Variants in ZNRF3 observed in about 807,000 individuals in gnomAD.
The protein encoded by ZNRF3 is zinc and ring finger 3.
ZNRF3 carries 23 observed loss-of-function variants against 72.5 expected under a neutral mutation model. That is an observed-to-expected ratio of 0.32 (90% CI 0.23 to 0.45). The LOEUF is 0.45. Among genes scored for constraint, ZNRF3 ranks in the 20% least tolerant of loss-of-function variants. The pLI is 1.00. For synonymous variants in ZNRF3, 610 were observed against 545.3 expected (o/e 1.12, Z -1.65); for missense variants, 1,169 against 1,272.1 (o/e 0.92, Z 1.23).
At position 28,884,003 on chromosome 22, in the gene ZNRF3, C is replaced by G; in HGVS notation, c.237C>G (p.Thr79=). 7.6e-7 allele frequency: 1 copy of G among 1,311,882 alleles called. No individual in the cohort carries two copies. Among genetic ancestry groups the G allele is most frequent in the Non-Finnish European group, 9.9e-7 (1 of 1,013,108 alleles). The allele number at this position is 1,311,882 out of a possible 1,614,324, so 81.3% of individuals were successfully genotyped here. ...SPSGDYTTYT[T]GLTGRFSRAG... ...GCGGCGATTACACCACCTACACCAC[C>G]GGCCTCACGGGCCGCTTCTCGCGGG... is the stretch of plus-strand genomic sequence containing the variant. The change falls in exon 1 of 9, where the codon ACC becomes ACG. Residue 79 remains threonine (T), a synonymous_variant. Transcript: ENST00000544604.
chr22:28,997,319 A>G (rs1258720434), intron 2 of ZNRF3, among the ~76,000 whole-genome samples: 25 of 145,896 alleles, frequency 1.7e-4, no homozygotes. Flanking sequence ...CTCTTATCAC[A>G]TTGTTTCCAA....
chr22:28,980,487 C>G (rs2035746443), intron 1 of ZNRF3, among the ~76,000 whole-genome samples: 1 of 152,140 alleles, frequency 6.6e-6, no homozygotes, highest in South Asian at 2.1e-4. Flanking sequence ...TTCCTTCCTT[C>G]CCAAAATATC....
rs1035674274 is a variant in ZNRF3, at chr22:29,048,557, G to A, written c.1015+66G>A. On this transcript the variant is annotated intron_variant, in intron 7 of 8. Transcript: ENST00000544604. The surrounding 1 kb of genome is among the most constrained non-coding windows in gnomAD (Gnocchi z 4.9). ...GCCTAGCTAGAGTGTGACACACACC[G>A]CAGGCTTGGGAACACTCAGAACCAC... 3.0e-5 allele frequency: 45 copies of A among 1,511,488 alleles called. No homozygotes were observed. The East Asian group carries it at 7.5e-4, about 25-fold the overall frequency. The allele number at this position is 1,511,488 out of a possible 1,614,324, so 93.6% of individuals were successfully genotyped here.
intron 8 of ZNRF3, among the ~76,000 whole-genome samples, chr22:29,052,777 CA>C (rs2123891460): frequency 6.6e-6 from 1 of 151,714 alleles, no homozygotes; most frequent in East Asian, 1.9e-4. Flanking sequence ...AGCTGGAGAC[CA>C]GCCTGGGGAA....
intron 1 of ZNRF3, among the ~76,000 whole-genome samples, chr22:28,896,166 G>A (rs980115591): frequency 1.3e-5 from 2 of 151,920 alleles, no homozygotes; most frequent in African/African-American, 2.4e-5. Context: ...ACGGAGTCTC[G>A]CTCTGTCGGC....
chr22:28,962,344 G>A (rs767179615), intron 1 of ZNRF3, among the ~76,000 whole-genome samples: 1 of 152,190 alleles, frequency 6.6e-6, no homozygotes, highest in Non-Finnish European at 1.5e-5. Context: ...TAACTTCTGT[G>A]TAACCTTTGA....
intron 1 of ZNRF3, among the ~76,000 whole-genome samples, chr22:28,896,148 T>A (rs1318375905): frequency 6.9e-6 from 1 of 144,546 alleles, no homozygotes; most frequent in Non-Finnish European, 1.5e-5. Context: ...TATTTTTATC[T>A]TTTTGAGACG....
chr22:29,003,232 T>C (rs2036181362), intron 2 of ZNRF3, among the ~76,000 whole-genome samples: 1 of 152,126 alleles, frequency 6.6e-6, no homozygotes, highest in Admixed American at 6.6e-5. Context: ...ATCCATTTGT[T>C]TTGGCTGGGC....
At chr22:28,902,614 G>C (rs966472720) in intron 1 of ZNRF3, among the ~76,000 whole-genome samples, 5 of 152,168 alleles carry the variant, frequency 3.3e-5, no homozygotes, top group African/African-American at 1.2e-4. Context: ...TTCCTTTGAT[G>C]GGAGAGGCTG....
At chr22:29,053,296 C>T (rs1051181984) in intron 8 of ZNRF3, among the ~76,000 whole-genome samples, 2 of 152,178 alleles carry the variant, frequency 1.3e-5, no homozygotes, top group African/African-American at 4.8e-5. Context: ...TTTCCCAAGG[C>T]CTGACGCACA....
intron 1 of ZNRF3, among the ~76,000 whole-genome samples, chr22:28,933,573 G>A (rs758126687): frequency 6.6e-6 from 1 of 152,074 alleles, no homozygotes; most frequent in Non-Finnish European, 1.5e-5. Context: ...TTTTTCCTCC[G>A]AGGAGATGCT....
At chr22:29,023,664 T>C (rs1482789065) in intron 2 of ZNRF3, among the ~76,000 whole-genome samples, 4 of 152,162 alleles carry the variant, frequency 2.6e-5, no homozygotes, top group African/African-American at 7.2e-5. Context: ...CTCCCAGGAA[T>C]AGAGAAGTAG....
chr22:28,992,356 T>G (rs1236306140), intron 2 of ZNRF3, among the ~76,000 whole-genome samples: 1 of 152,094 alleles, frequency 6.6e-6, no homozygotes, highest in Non-Finnish European at 1.5e-5. Flanking sequence ...ACAGAACCCA[T>G]GACAGGGGTG....
chr22:28,968,659 A>T (rs1258341549), intron 1 of ZNRF3, among the ~76,000 whole-genome samples: 1 of 152,234 alleles, frequency 6.6e-6, no homozygotes, highest in African/African-American at 2.4e-5. Context: ...CCGTGAGCTG[A>T]GATTGTACCA....
At position 28,952,785 on chromosome 22, in the gene ZNRF3, A is replaced by G. The variant is rs779106947; in HGVS notation, c.301-34291A>G. 3.9e-5 allele frequency among the ~76,000 whole-genome samples: 6 copies of G among 152,238 alleles called. 1 individual carries two copies. The South Asian group carries it at 6.2e-4, about 16-fold the overall frequency. ...TCTGGAATTAGGAGTTTATGAAGGT[A>G]TATTAGGTAATGAGAATGAGCTTTG... On this transcript the variant is annotated intron_variant, in intron 1 of 8. Coordinates refer to ENST00000544604, the MANE Select transcript of ZNRF3 (RefSeq NM_001206998.2).
intron 1 of ZNRF3, among the ~76,000 whole-genome samples, chr22:28,982,864 A>G (rs1322459218): frequency 6.6e-6 from 1 of 152,240 alleles, no homozygotes; most frequent in Admixed American, 6.5e-5. Context: ...GTCAGGGGCC[A>G]GCTGACAGAG....
intron 2 of ZNRF3, among the ~76,000 whole-genome samples, chr22:29,034,883 G>T (rs1236774977): frequency 6.6e-6 from 1 of 152,080 alleles, no homozygotes; most frequent in Non-Finnish European, 1.5e-5. Flanking sequence ...AGTCCCCAGG[G>T]TCTAGAACAC....
intron 1 of ZNRF3, among the ~76,000 whole-genome samples, chr22:28,920,042 T>C (rs926020893): frequency 5.3e-5 from 8 of 151,726 alleles, no homozygotes; most frequent in African/African-American, 1.7e-4. Flanking sequence ...TTTGGCTCAC[T>C]GCAACCTCTG....
chr22:28,989,776 C>G (rs1024627823), intron 2 of ZNRF3, among the ~76,000 whole-genome samples: 3 of 152,148 alleles, frequency 2.0e-5, no homozygotes, highest in African/African-American at 7.2e-5. Flanking sequence ...AACCCCCTCC[C>G]CACCACCCAC....
Sources: gnomAD v4.1 joint callset for allele counts (sites outside exome capture counted in the v4.1 genomes callset) on GRCh38, gnomAD v4.1.1 for gene constraint, Gnocchi (gnomAD v3.1) non-coding constraint, MANE v1.5 for transcripts, NCBI Gene and HGNC (gene_info 2026-07-23, HGNC 2026-07-21) for gene names.